Variants in KLF12 observed in about 807,000 individuals in gnomAD.
KLF12 encodes KLF transcription factor 12, also known as Krueppel-like factor 12.
A neutral mutation model predicts 37.8 loss-of-function variants in KLF12; 9 were observed. The ratio of observed to expected loss-of-function variants is 0.24; its 90% CI spans 0.14 to 0.42. KLF12 has a LOEUF of 0.42. Ranked by LOEUF, KLF12 falls within the 10% of genes least tolerant of loss-of-function variation. KLF12 has a pLI of 1.00. For missense variants in KLF12, 411 were observed against 516.0 expected (o/e 0.80, Z 1.97); for synonymous variants, 208 against 202.1 (o/e 1.03, Z -0.25).
At chr13:74,177,975 C>A in the KLF12 span, among the ~76,000 whole-genome samples, 1 of 152,200 alleles carries the variant, frequency 6.6e-6, no homozygotes, top group African/African-American at 2.4e-5. Context: ...CAACAGAAAC[C>A]GCTCAGGTCT....
intron 1 of KLF12, among the ~76,000 whole-genome samples, chr13:74,025,747 T>C (rs566318540): frequency 5.3e-4 from 81 of 152,238 alleles, no homozygotes; most frequent in African/African-American, 1.9e-3. Flanking sequence ...GTAAATATAA[T>C]GTAGATTATA....
At chr13:74,076,870 C>T (rs755621007) in intron 1 of KLF12, among the ~76,000 whole-genome samples, 6 of 152,090 alleles carry the variant, frequency 3.9e-5, no homozygotes, top group Admixed American at 6.6e-5. Flanking sequence ...TCATTTAGCT[C>T]CCACTTGTAA....
intron 6 of KLF12, among the ~76,000 whole-genome samples, chr13:73,741,193 G>A (rs1241396731): frequency 6.6e-6 from 1 of 152,078 alleles, no homozygotes; most frequent in Non-Finnish European, 1.5e-5. Flanking sequence ...GCATCTTATA[G>A]GAGAGAAAAC....
chr13:74,155,161 T>A, the KLF12 span, among the ~76,000 whole-genome samples: 1 of 152,204 alleles, frequency 6.6e-6, no homozygotes, highest in Non-Finnish European at 1.5e-5. Flanking sequence ...TTGTCTAAGG[T>A]TTGAATTAGT....
At position 73,689,837 on chromosome 13, in the gene KLF12, T is replaced by C. The variant is rs533969896; in HGVS notation, c.*5653A>G. 6.6e-6 allele frequency: 1 copy of C among 152,262 alleles called. No individual in the cohort carries two copies. The highest frequency in any genetic ancestry group is 2.1e-4 in the South Asian group (1 of 4,812). 9.4% of individuals were successfully genotyped at this position (152,262 alleles called of 1,614,324 possible). On this transcript the variant is annotated 3_prime_UTR_variant, in exon 8 of 8. Transcript: ENST00000377669. Reference sequence around the variant, plus strand: ...CCTTCAGTCTTTTGCGCCAAATAAATTGGTGTTTTTAACTGAGCAAAACTT... The same window carrying C: ...CCTTCAGTCTTTTGCGCCAAATAAACTGGTGTTTTTAACTGAGCAAAACTT...
chr13:74,275,775 TC>T, the KLF12 span, among the ~76,000 whole-genome samples: 2 of 133,748 alleles, frequency 1.5e-5, no homozygotes, highest in Admixed American at 7.6e-5. Flanking sequence ...ATTATGCCTG[TC>T]TTTTTCTTTC....
chr13:73,843,713 C>T (rs1039753904), intron 4 of KLF12, among the ~76,000 whole-genome samples: 4 of 152,246 alleles, frequency 2.6e-5, no homozygotes, highest in East Asian at 1.9e-4. Context: ...AAATAACTTT[C>T]CCATTTACAT....
intron 1 of KLF12, among the ~76,000 whole-genome samples, chr13:74,005,984 G>C (rs192532173): frequency 1.4e-4 from 21 of 151,954 alleles, no homozygotes; most frequent in Admixed American, 1.2e-3. Context: ...ACCACATCTG[G>C]GTTCTCATTC....
At chr13:74,131,938 A>T (rs1878281141) in intron 1 of KLF12, among the ~76,000 whole-genome samples, 1 of 152,216 alleles carries the variant, frequency 6.6e-6, no homozygotes, top group African/African-American at 2.4e-5. Flanking sequence ...GTCTGCAACA[A>T]TAAAGATATA....
chr13:74,140,902 C>G, the KLF12 span, among the ~76,000 whole-genome samples: 1 of 151,728 alleles, frequency 6.6e-6, no homozygotes, highest in Non-Finnish European at 1.5e-5. Context: ...AAATACAAAA[C>G]AAAATTAGCC....
intron 5 of KLF12, among the ~76,000 whole-genome samples, chr13:73,775,438 A>G (rs1432263434): frequency 2.0e-5 from 3 of 152,212 alleles, no homozygotes; most frequent in Non-Finnish European, 2.9e-5. Flanking sequence ...AATACAACCT[A>G]TATCATGGAA....
At chr13:73,708,675 G>A (rs528207016) in intron 7 of KLF12, among the ~76,000 whole-genome samples, 1 of 152,058 alleles carries the variant, frequency 6.6e-6, no homozygotes, top group African/African-American at 2.4e-5. Context: ...AAAATAGTGA[G>A]AATTCTAAAA....
intron 2 of KLF12, among the ~76,000 whole-genome samples, chr13:73,961,776 T>C (rs776914917): frequency 1.3e-5 from 2 of 152,120 alleles, no homozygotes; most frequent in Admixed American, 6.5e-5. Flanking sequence ...ATTAGGGAAT[T>C]GCAAATTAAA....
chr13:74,106,289 G>A (rs1876645928), intron 1 of KLF12, among the ~76,000 whole-genome samples: 1 of 152,002 alleles, frequency 6.6e-6, no homozygotes, highest in South Asian at 2.1e-4. Context: ...TTTTTAACTG[G>A]ATATCTTAGA....
At chr13:74,290,920 T>C in the KLF12 span, among the ~76,000 whole-genome samples, 1 of 152,224 alleles carries the variant, frequency 6.6e-6, no homozygotes, top group African/African-American at 2.4e-5. Flanking sequence ...AAACAAACAG[T>C]TGGACAGAAC....
At chr13:74,038,210 C>T (rs1280920431) in intron 1 of KLF12, among the ~76,000 whole-genome samples, 1 of 152,140 alleles carries the variant, frequency 6.6e-6, no homozygotes, top group Non-Finnish European at 1.5e-5. Flanking sequence ...AGGGAGGAGA[C>T]AAGGAATCTC....
At chr13:73,933,290 C>G (rs537044482) in intron 3 of KLF12, among the ~76,000 whole-genome samples, 2 of 152,110 alleles carry the variant, frequency 1.3e-5, no homozygotes, top group African/African-American at 4.8e-5. Flanking sequence ...GTTTGCATAA[C>G]GTATCTTTTT....
chr13:74,141,912 A>T, the KLF12 span, among the ~76,000 whole-genome samples: 4 of 152,250 alleles, frequency 2.6e-5, no homozygotes, highest in Admixed American at 6.5e-5. Context: ...AGTCCTAATC[A>T]GTCCTAAATT....
chr13:74,229,934 G>C, the KLF12 span, among the ~76,000 whole-genome samples: 1 of 152,306 alleles, frequency 6.6e-6, no homozygotes, highest in South Asian at 2.1e-4. Context: ...ATGGAAAGAG[G>C]GAGAGATTCA....
Sources: allele counts gnomAD v4.1 joint callset (sites outside exome capture counted in the v4.1 genomes callset), GRCh38; gene constraint gnomAD v4.1.1; transcripts MANE v1.5; gene names NCBI Gene and HGNC (gene_info 2026-07-23, HGNC 2026-07-21).